SPIDR: variants seen among roughly 807,000 people sequenced by gnomAD.
SPIDR encodes scaffold protein involved in DNA repair, also known as DNA repair-scaffolding protein.
Under a neutral mutation model 104.6 loss-of-function variants are expected in SPIDR, and 93 were observed. That is an observed-to-expected ratio of 0.89 (90% confidence interval 0.75 to 1.06). The LOEUF is 1.06. Among genes scored for constraint, SPIDR ranks in the 50% least tolerant of loss-of-function variants. SPIDR has a pLI of 0.00. For synonymous variants in SPIDR, 431 were observed against 416.9 expected (o/e 1.03, Z -0.41); for missense variants, 1,154 against 1,111.2 (o/e 1.04, Z -0.55).
chr8:47,411,103 A>G (rs1338045065), intron 7 of SPIDR, among the ~76,000 whole-genome samples: 3 of 152,216 alleles, frequency 2.0e-5, no homozygotes, highest in African/African-American at 7.2e-5. Context: ...TATTGTGAAT[A>G]GTGCCACAGT....
At chr8:47,651,223 A>G (rs1331224783) in intron 10 of SPIDR, among the ~76,000 whole-genome samples, 1 of 152,226 alleles carries the variant, frequency 6.6e-6, no homozygotes, top group Non-Finnish European at 1.5e-5. Context: ...AGAATCTACA[A>G]AGAACTCAAG....
intron 16 of SPIDR, among the ~76,000 whole-genome samples, chr8:47,717,006 C>T (rs1020564692): frequency 1.3e-5 from 2 of 152,128 alleles, no homozygotes; most frequent in African/African-American, 4.8e-5. Context: ...AGAGGGTCTG[C>T]AGGGGTGGAG....
intron 8 of SPIDR, among the ~76,000 whole-genome samples, chr8:47,518,001 C>G (rs2083420782): frequency 1.3e-5 from 2 of 152,156 alleles, no homozygotes; most frequent in African/African-American, 4.8e-5. Context: ...TCATTCTAAT[C>G]TCTTTCGTTA....
At chr8:47,467,005 A>C (rs2154355887) in intron 8 of SPIDR, among the ~76,000 whole-genome samples, 1 of 151,510 alleles carries the variant, frequency 6.6e-6, no homozygotes, top group African/African-American at 2.4e-5. Flanking sequence ...GATCCAAATA[A>C]ACACAATTAG....
intron 6 of SPIDR, among the ~76,000 whole-genome samples, chr8:47,400,588 T>C (rs2061744585): frequency 6.6e-6 from 1 of 152,068 alleles, no homozygotes; most frequent in Admixed American, 6.5e-5. Context: ...TAGTTGACAT[T>C]TGAAGGATGG....
Position 47,396,262 on chromosome 8 carries a change from G to A in SPIDR, c.526-114G>A, listed in dbSNP as rs2154311708. The A allele has an allele frequency of 3.4e-6, 3 of 888,656 alleles. No homozygotes were observed. In the East Asian group the frequency reaches 7.9e-5, roughly 23 times the overall value. 55.0% of individuals were successfully genotyped at this position (888,656 alleles called of 1,614,324 possible). ...AGCTGCAGATACTGTATTCAAAAAG[G>A]TCCTTCAAGAGCTGTAACTGTAAGG... On this transcript the variant is annotated intron_variant, in intron 5 of 19. Transcript: ENST00000297423.
At chr8:47,342,423 G>A (rs997976424) in intron 5 of SPIDR, among the ~76,000 whole-genome samples, 1 of 128,700 alleles carries the variant, frequency 7.8e-6, no homozygotes, top group Non-Finnish European at 1.6e-5. Flanking sequence ...TGCAGCCTCC[G>A]CCTCCCGGAT....
At chr8:47,512,338 T>A in intron 8 of SPIDR, among the ~76,000 whole-genome samples, 1 of 152,160 alleles carries the variant, frequency 6.6e-6, no homozygotes, top group Non-Finnish European at 1.5e-5. Context: ...CACTGTTGCC[T>A]ATGGTGATTG....
At chr8:47,398,450 G>A (rs2061485420) in intron 6 of SPIDR, among the ~76,000 whole-genome samples, 1 of 152,146 alleles carries the variant, frequency 6.6e-6, no homozygotes, top group Admixed American at 6.5e-5. Context: ...AAGCAGAAAA[G>A]GGGGACAGAA....
intron 6 of SPIDR, among the ~76,000 whole-genome samples, chr8:47,406,986 G>T (rs983215388): frequency 6.6e-6 from 1 of 152,204 alleles, no homozygotes; most frequent in African/African-American, 2.4e-5. Flanking sequence ...ATTGATACCC[G>T]ATATAGCATG....
At chr8:47,707,239 T>A (rs1250847708) in intron 14 of SPIDR, among the ~76,000 whole-genome samples, 10 of 139,712 alleles carry the variant, frequency 7.2e-5, no homozygotes, top group Admixed American at 6.8e-4. Flanking sequence ...GGTGACAGAG[T>A]GAGACTCTTT....
chr8:47,368,125 G>A (rs2057460826), intron 5 of SPIDR, among the ~76,000 whole-genome samples: 1 of 151,882 alleles, frequency 6.6e-6, no homozygotes, highest in South Asian at 2.1e-4. Context: ...CTCACATGGT[G>A]GAAGGGACAA....
chr8:47,317,237 T>C (rs1417877871), intron 5 of SPIDR, among the ~76,000 whole-genome samples: 1 of 151,972 alleles, frequency 6.6e-6, no homozygotes. Context: ...ACCTGGAAAA[T>C]TGGGTCACTC....
At chr8:47,559,636 G>A (rs2056824167) in intron 8 of SPIDR, among the ~76,000 whole-genome samples, 2 of 152,340 alleles carry the variant, frequency 1.3e-5, no homozygotes, top group South Asian at 4.1e-4. Context: ...GGAGTCTCAG[G>A]TATGGCTTGA....
intron 16 of SPIDR, among the ~76,000 whole-genome samples, chr8:47,725,401 T>C (rs1226577739): frequency 6.6e-6 from 1 of 152,210 alleles, no homozygotes; most frequent in African/African-American, 2.4e-5. Context: ...GTTTTTGTTT[T>C]TGTTTTTTTG....
chr8:47,554,693 G>T (rs192697981), intron 8 of SPIDR, among the ~76,000 whole-genome samples: 1 of 152,148 alleles, frequency 6.6e-6, no homozygotes, highest in African/African-American at 2.4e-5. Context: ...GACCCCTTGC[G>T]CTTCCCGGGT....
chr8:47,307,835 G>C (rs1042315124), intron 5 of SPIDR, among the ~76,000 whole-genome samples: 21 of 152,022 alleles, frequency 1.4e-4, no homozygotes, highest in Non-Finnish European at 2.6e-4. Context: ...CACTGTGCCC[G>C]CCCTAGTACT....
chr8:47,393,358 T>C (rs1442398527), intron 5 of SPIDR, among the ~76,000 whole-genome samples: 2 of 152,212 alleles, frequency 1.3e-5, no homozygotes, highest in Admixed American at 1.3e-4. Context: ...GGAAAAGCCT[T>C]CTAGCTAGCT....
chr8:47,331,989 C>CTTTTTTTTTTTTTTTTT (rs1289524835), intron 5 of SPIDR, among the ~76,000 whole-genome samples: 4 of 36,322 alleles, frequency 1.1e-4, no homozygotes, highest in African/African-American at 1.8e-4. Context: ...TTTTTTTTCT[C>CTTTTTTTTTTTTTTTTT]TTTTTTTTTT....
Sources: gnomAD v4.1 joint callset for allele counts (sites outside exome capture counted in the v4.1 genomes callset) on GRCh38, gnomAD v4.1.1 for gene constraint, MANE v1.5 for transcripts, NCBI Gene and HGNC (gene_info 2026-07-23, HGNC 2026-07-21) for gene names.